The following TSPAN14 variants were observed in gnomAD, a reference collection of about 807,000 sequenced individuals.
The protein encoded by TSPAN14 is tetraspanin-14.
A neutral mutation model predicts 36.6 loss-of-function variants in TSPAN14; 16 were observed. The observed-to-expected ratio is 0.44, with a 90% CI of 0.30 to 0.66. TSPAN14 has a LOEUF of 0.66. Ranked by LOEUF, TSPAN14 falls within the 30% of genes least tolerant of loss-of-function variation. TSPAN14 has a pLI of 0.12. For synonymous variants in TSPAN14, 139 were observed against 143.8 expected (o/e 0.97, Z 0.24); for missense variants, 231 against 355.1 (o/e 0.65, Z 2.81).
At chr10:80,520,785 C>A (rs754150251) in exon 9 of TSPAN14, 3 of 533,532 alleles carry the variant, frequency 5.6e-6, no homozygotes, top group Admixed American at 1.9e-5. Context: ...CTGAAAGCTG[C>A]TTATCCCAAT....
At chr10:80,482,805 G>A (rs1847365536) in intron 1 of TSPAN14, among the ~76,000 whole-genome samples, 2 of 141,636 alleles carry the variant, frequency 1.4e-5, no homozygotes, top group South Asian at 2.2e-4. Flanking sequence ...GCACGATCTC[G>A]GCTCACTGCA....
intron 2 of TSPAN14, among the ~76,000 whole-genome samples, chr10:80,502,009 G>T (rs912342467): frequency 1.3e-5 from 2 of 152,206 alleles, no homozygotes; most frequent in Admixed American, 6.5e-5. Flanking sequence ...GATCAGTGCC[G>T]CGAAGAAAAT....
chr10:80,504,817 C>T, intron 3 of TSPAN14, 39 bp downstream of exon 3: 1 of 1,612,080 alleles, frequency 6.2e-7, no homozygotes, highest in Non-Finnish European at 8.5e-7. Context: ...CTTCAGGCAG[C>T]CAAAACCAGA....
intron 1 of TSPAN14, among the ~76,000 whole-genome samples, chr10:80,455,272 T>C (rs2131942415): frequency 6.6e-6 from 1 of 152,150 alleles, no homozygotes; most frequent in Admixed American, 6.5e-5. Flanking sequence ...GGGGAAGTCG[T>C]GGGCCCGGGT....
At chr10:80,510,921 C>T (rs759739987) in intron 5 of TSPAN14, among the ~76,000 whole-genome samples, 2 of 152,062 alleles carry the variant, frequency 1.3e-5, no homozygotes, top group Non-Finnish European at 2.9e-5. Context: ...AACAAAACTT[C>T]CCAGGGGAGG....
chr10:80,487,496 T>C lies in TSPAN14; in HGVS notation c.-17-1721T>C, dbSNP rs373762248. ...CAGGTCACTAAAAGCCCCACTTTAG[T>C]TGAGGATGCTGAGGTCCTGAGAGAG... On this transcript the variant is annotated intron_variant, in intron 1 of 8. Coordinates refer to ENST00000429989, the Ensembl canonical transcript of TSPAN14. 7.2e-5 allele frequency among the ~76,000 whole-genome samples: 11 copies of C among 152,236 alleles called. No individual in the cohort carries two copies. The South Asian group carries it at 2.1e-3, about 29-fold the overall frequency.
At chr10:80,471,435 G>T (rs1846545440) in intron 1 of TSPAN14, among the ~76,000 whole-genome samples, 1 of 152,114 alleles carries the variant, frequency 6.6e-6, no homozygotes, top group African/African-American at 2.4e-5. Flanking sequence ...TTCACATTGG[G>T]AATACTAGTG....
chr10:80,457,057 CA>C (rs1335715209), intron 1 of TSPAN14, among the ~76,000 whole-genome samples: 2 of 151,908 alleles, frequency 1.3e-5, no homozygotes, highest in African/African-American at 2.4e-5. Context: ...AATGAAACTC[CA>C]TCTCAAAAAA....
chr10:80,487,078 T>G (rs1847646623), intron 1 of TSPAN14, among the ~76,000 whole-genome samples: 4 of 152,294 alleles, frequency 2.6e-5, no homozygotes, highest in Non-Finnish European at 5.9e-5. Context: ...CACAAAAAAT[T>G]AACAAACCAA....
intron 1 of TSPAN14, among the ~76,000 whole-genome samples, chr10:80,479,298 T>G (rs1251876951): frequency 6.6e-6 from 1 of 150,912 alleles, no homozygotes; most frequent in African/African-American, 2.4e-5. Flanking sequence ...TTAGTTTAAT[T>G]AGATCCCATT....
At position 80,509,367 on chromosome 10, in the gene TSPAN14, C is replaced by G; in HGVS notation, c.346C>G (p.Gln116Glu). Residue 116 changes from glutamine (Q) to glutamate (E), a missense_variant, in exon 5 of 9, where the codon CAG (glutamine) becomes GAG (glutamate). By Grantham distance (29) the Gln-to-Glu change is conservative. Coordinates refer to ENST00000429989, the Ensembl canonical transcript of TSPAN14. This position sits in a 1 kb window ranked among gnomAD's most constrained non-coding sequence, Gnocchi z 4.7. ...TGTGGCCGTGCTGGCCTTCCTGTTC[C>G]AGGACTGGGTGAGGGACCGGTTCCG... 1 of 1,614,160 alleles carries G rather than the reference C, an allele frequency of 6.2e-7. No individual in the cohort carries two copies.
chr10:80,486,895 TC>T lies in TSPAN14; in HGVS notation c.-17-2318del, dbSNP rs199761933. Among the ~76,000 whole-genome samples the T allele has an allele frequency of 8.2e-3, 1,250 of 152,182 alleles. 15 individuals are homozygous for T. Among genetic ancestry groups the T allele is most frequent in the African/African-American group, 0.029 (1,186 of 41,516 alleles). Reference sequence around the variant, plus strand: ...GATTTATGGTTGGGTAGCCCAACCCTCCCCTGAAGGGAAAAAAAAGAACAAT... The same window carrying T: ...GATTTATGGTTGGGTAGCCCAACCCTCCCTGAAGGGAAAAAAAAGAACAAT... On this transcript the variant is annotated intron_variant, in intron 1 of 8. Coordinates refer to ENST00000429989, the Ensembl canonical transcript of TSPAN14.
At chr10:80,479,139 G>C (rs1319635529) in intron 1 of TSPAN14, among the ~76,000 whole-genome samples, 1 of 151,940 alleles carries the variant, frequency 6.6e-6, no homozygotes, top group Non-Finnish European at 1.5e-5. Context: ...TGATGGGGTT[G>C]TTTGTTTTTT....
At chr10:80,497,110 A>T (rs1291696707) in intron 2 of TSPAN14, among the ~76,000 whole-genome samples, 1 of 152,176 alleles carries the variant, frequency 6.6e-6, no homozygotes, top group Non-Finnish European at 1.5e-5. Context: ...TCATTCATGC[A>T]GTTATACGTA....
chr10:80,514,754 A>G (rs1413246210), intron 7 of TSPAN14, among the ~76,000 whole-genome samples: 1 of 152,114 alleles, frequency 6.6e-6, no homozygotes, highest in Non-Finnish European at 1.5e-5. Flanking sequence ...TGTAAACTGA[A>G]TGTGTGTGTC....
At chr10:80,516,370 T>G (rs766305680) in intron 8 of TSPAN14, 47 bp downstream of exon 8, 1 of 1,612,598 alleles carries the variant, frequency 6.2e-7, no homozygotes, top group Non-Finnish European at 8.5e-7. Flanking sequence ...TTTTTTCATT[T>G]GAGATTGGGC....
intron 1 of TSPAN14, among the ~76,000 whole-genome samples, chr10:80,458,765 C>T (rs1000687986): frequency 2.6e-5 from 4 of 152,110 alleles, no homozygotes; most frequent in African/African-American, 9.7e-5. Context: ...CCCTTAATTG[C>T]GTATGCTTTT....
intron 8 of TSPAN14, 134 bp downstream of exon 8, chr10:80,516,457 G>A: frequency 7.7e-7 from 1 of 1,301,054 alleles, no homozygotes; most frequent in Non-Finnish European, 1.1e-6. Flanking sequence ...GGATTCAACT[G>A]GATGTCCAAG....
At chr10:80,482,293 T>A (rs1268988014) in intron 1 of TSPAN14, among the ~76,000 whole-genome samples, 1 of 152,072 alleles carries the variant, frequency 6.6e-6, no homozygotes, top group African/African-American at 2.4e-5. Flanking sequence ...CAAAACTGAT[T>A]TTTATTTTTT....
Sources: gnomAD v4.1 joint callset for allele counts (sites outside exome capture counted in the v4.1 genomes callset) on GRCh38, gnomAD v4.1.1 for gene constraint, Gnocchi (gnomAD v3.1) non-coding constraint, MANE v1.5 for transcripts, NCBI Gene and HGNC (gene_info 2026-07-23, HGNC 2026-07-21) for gene names.